The following DOK5 variants were observed in gnomAD, a reference collection of about 807,000 sequenced individuals.
DOK5 encodes docking protein 5.
In DOK5, 27 loss-of-function variants were observed where a neutral mutation model predicts 43.3. That is an observed-to-expected ratio of 0.62 (90% CI 0.46 to 0.86). DOK5 has a LOEUF of 0.86. Ranked by LOEUF, DOK5 falls within the 40% of genes least tolerant of loss-of-function variation. The pLI is 0.00. For missense variants in DOK5, 373 were observed against 392.9 expected (o/e 0.95, Z 0.43); for synonymous variants, 146 against 140.1 (o/e 1.04, Z -0.30).
At chr20:54,504,035 C>T (rs1352025262) in intron 1 of DOK5, among the ~76,000 whole-genome samples, 3 of 152,158 alleles carry the variant, frequency 2.0e-5, no homozygotes, top group Non-Finnish European at 2.9e-5. Flanking sequence ...TCCATGCCAC[C>T]CTGGTGAACC....
intron 1 of DOK5, among the ~76,000 whole-genome samples, chr20:54,485,377 A>C: frequency 6.6e-6 from 1 of 151,728 alleles, no homozygotes; most frequent in African/African-American, 2.4e-5. Flanking sequence ...AAAAGAATGT[A>C]ATGTAAAAGA....
At chr20:54,532,277 A>G (rs1481907213) in intron 1 of DOK5, among the ~76,000 whole-genome samples, 1 of 152,148 alleles carries the variant, frequency 6.6e-6, no homozygotes, top group Non-Finnish European at 1.5e-5. Flanking sequence ...GCCACACTGC[A>G]TGTACATTTT....
chr20:54,535,197 G>C (rs1199215227), intron 1 of DOK5, among the ~76,000 whole-genome samples: 1 of 152,028 alleles, frequency 6.6e-6, no homozygotes, highest in African/African-American at 2.4e-5. Context: ...TGGCCACCCA[G>C]GTTTCCTTCC....
intron 2 of DOK5, among the ~76,000 whole-genome samples, chr20:54,567,276 T>C (rs1158841894): frequency 6.6e-6 from 1 of 152,134 alleles, no homozygotes; most frequent in Non-Finnish European, 1.5e-5. Flanking sequence ...TCCTAAAGAT[T>C]TTCTTGTTTT....
intron 1 of DOK5, among the ~76,000 whole-genome samples, chr20:54,504,428 A>G (rs567634025): frequency 2.6e-5 from 4 of 152,360 alleles, no homozygotes; most frequent in Non-Finnish European, 5.9e-5. Flanking sequence ...TCTCTTGTTG[A>G]AAAGCAAGAT....
chr20:54,523,420 G>A (rs1260847543), intron 1 of DOK5, among the ~76,000 whole-genome samples: 1 of 151,926 alleles, frequency 6.6e-6, no homozygotes, highest in African/African-American at 2.4e-5. Flanking sequence ...ACAAAAATTA[G>A]CTGGGCATGG....
intron 6 of DOK5, among the ~76,000 whole-genome samples, chr20:54,628,965 T>C (rs1300301300): frequency 6.6e-6 from 1 of 152,236 alleles, no homozygotes. Context: ...CTGAGTCTTG[T>C]AGAAATGCAG....
chr20:54,619,461 G>A (rs1600742090), intron 6 of DOK5, among the ~76,000 whole-genome samples: 3 of 152,246 alleles, frequency 2.0e-5, no homozygotes, highest in East Asian at 3.9e-4. Context: ...CTCATTCCAC[G>A]ACTGGGCTTG....
chr20:54,483,739 A>C (rs1203813279), intron 1 of DOK5, among the ~76,000 whole-genome samples: 2 of 152,210 alleles, frequency 1.3e-5, no homozygotes, highest in East Asian at 3.9e-4. Flanking sequence ...GTGAGTTTAG[A>C]AATGCCACAT....
intron 6 of DOK5, among the ~76,000 whole-genome samples, chr20:54,631,503 G>A (rs778949847): frequency 1.4e-4 from 21 of 152,012 alleles, no homozygotes; most frequent in Non-Finnish European, 2.4e-4. Context: ...AGCCAGCCAG[G>A]CTATCTGGCT....
intron 4 of DOK5, among the ~76,000 whole-genome samples, chr20:54,589,232 T>C (rs1336043681): frequency 6.6e-6 from 1 of 152,232 alleles, no homozygotes; most frequent in African/African-American, 2.4e-5. Flanking sequence ...TTCTAGACGA[T>C]ACCGTTGGAC....
chr20:54,543,541 CTGTGTG>C (rs74179284), intron 1 of DOK5, among the ~76,000 whole-genome samples: 7 of 143,472 alleles, frequency 4.9e-5, no homozygotes, highest in Non-Finnish European at 1.1e-4. Flanking sequence ...CCTAGAATTG[CTGTGTG>C]TGTGTGTGTG....
intron 2 of DOK5, among the ~76,000 whole-genome samples, chr20:54,575,664 C>T (rs184304366): frequency 2.3e-4 from 35 of 152,326 alleles, no homozygotes; most frequent in Admixed American, 5.2e-4. Flanking sequence ...TGGTCTCAGA[C>T]TCCTGACCTC....
At chr20:54,531,481 G>A (rs1186961217) in intron 1 of DOK5, among the ~76,000 whole-genome samples, 3 of 152,170 alleles carry the variant, frequency 2.0e-5, no homozygotes, top group African/African-American at 7.2e-5. Flanking sequence ...ATCAGAGTAA[G>A]AATGCCATTC....
At chr20:54,601,063 G>T (rs183940945) in intron 5 of DOK5, among the ~76,000 whole-genome samples, 87 of 152,308 alleles carry the variant, frequency 5.7e-4, no homozygotes, top group Admixed American at 1.2e-3. Context: ...AAAGCCAGAA[G>T]GATTTACTGA....
intron 6 of DOK5, among the ~76,000 whole-genome samples, chr20:54,631,986 C>A (rs1400658187): frequency 6.6e-6 from 1 of 151,916 alleles, no homozygotes; most frequent in African/African-American, 2.4e-5. Flanking sequence ...CAAAACAAAA[C>A]AACAACAACA....
intron 5 of DOK5, among the ~76,000 whole-genome samples, chr20:54,595,226 A>C (rs544447014): frequency 6.6e-6 from 1 of 152,272 alleles, no homozygotes; most frequent in African/African-American, 2.4e-5. Flanking sequence ...CTGTGGTCCC[A>C]GCTACTCGGG....
chr20:54,582,115 C>A (rs894656538), intron 2 of DOK5, among the ~76,000 whole-genome samples: 7 of 151,792 alleles, frequency 4.6e-5, no homozygotes, highest in Admixed American at 1.3e-4. Flanking sequence ...TTTTCTGCAT[C>A]TGTTGAGGTG....
intron 1 of DOK5, among the ~76,000 whole-genome samples, chr20:54,532,302 C>G (rs775707579): frequency 1.3e-5 from 2 of 152,170 alleles, no homozygotes; most frequent in Non-Finnish European, 2.9e-5. Context: ...TTAACCTGCT[C>G]GTGGGCAGGT....
Sources: allele counts gnomAD v4.1 joint callset (sites outside exome capture counted in the v4.1 genomes callset), GRCh38; gene constraint gnomAD v4.1.1; transcripts MANE v1.5; gene names NCBI Gene and HGNC (gene_info 2026-07-23, HGNC 2026-07-21).